The following HEATR5B variants were observed in gnomAD, a reference collection of about 807,000 sequenced individuals.
HEATR5B encodes the protein HEAT repeat-containing protein 5B.
A neutral mutation model predicts 224.1 loss-of-function variants in HEATR5B; 156 were observed. The observed-to-expected ratio is 0.70, with a 90% CI of 0.61 to 0.80. HEATR5B has a LOEUF of 0.80. HEATR5B is among the 30% of genes least tolerant of loss of function. The pLI, the probability that HEATR5B is intolerant of heterozygous loss-of-function variation, is 0.00. For synonymous variants in HEATR5B, 1,027 were observed against 893.0 expected (o/e 1.15, Z -2.68); for missense variants, 2,323 against 2,535.5 (o/e 0.92, Z 1.80).
rs1553411492 is a variant in HEATR5B, at chr2:36,984,215, A to AT, written c.5912-2422_5912-2421insA. ...AACTCTGTCTCAAAAAAAAAAAAAA[A>AT]ATATATATATATATATATATATAAA... On this transcript the variant is annotated intron_variant, in intron 35 of 35. Coordinates refer to ENST00000233099, the MANE Select transcript of HEATR5B (RefSeq NM_019024.3). Among the ~76,000 whole-genome samples the AT allele has an allele frequency of 6.3e-3, 486 of 77,594 alleles. 30 individuals are homozygous for AT. The highest frequency in any genetic ancestry group is 9.2e-3 in the East Asian group (15 of 1,626). 50.9% of individuals were successfully genotyped at this position (77,594 alleles called of 152,430 possible).
intron 21 of HEATR5B, 99 bp from the exon 22 acceptor site, chr2:37,032,872 A>ATGTTT (rs1471396053): frequency 1.1e-6 from 1 of 937,298 alleles, no homozygotes; most frequent in Non-Finnish European, 1.5e-6. Context: ...ATACATATAT[A>ATGTTT]TGTTTTGTTT....
chr2:36,998,290 T>C (rs900866853), intron 33 of HEATR5B, among the ~76,000 whole-genome samples: 2 of 152,196 alleles, frequency 1.3e-5, no homozygotes, highest in Admixed American at 6.5e-5. Context: ...AAATTAAACA[T>C]AGACATGAAA....
intron 17 of HEATR5B, among the ~76,000 whole-genome samples, chr2:37,051,830 C>T (rs548978336): frequency 3.9e-5 from 6 of 152,066 alleles, no homozygotes; most frequent in Non-Finnish European, 7.4e-5. Context: ...ACCTCTGCCT[C>T]CCAGGTTCAA....
At position 37,018,849 on chromosome 2, in the gene HEATR5B, T is replaced by G. The variant is rs1045216175; in HGVS notation, c.4104+960A>C. ...GAAGCATATGAAAAAGAGAAACTGA[T>G]TAAAGGAATAAGAAAATATGCATTT... is the stretch of plus-strand genomic sequence containing the variant. On this transcript the variant is annotated intron_variant, in intron 26 of 35. Transcript: ENST00000233099. 3.3e-5 allele frequency among the ~76,000 whole-genome samples: 5 copies of G among 152,094 alleles called. No individual in the cohort carries two copies. The East Asian group carries it at 9.6e-4, about 29-fold the overall frequency.
chr2:36,997,567 C>CTTTTTT (rs10699174), intron 33 of HEATR5B, among the ~76,000 whole-genome samples: 1 of 129,578 alleles, frequency 7.7e-6, no homozygotes, highest in Non-Finnish European at 1.6e-5. Flanking sequence ...CTCTGCCATT[C>CTTTTTT]TTTTTTTTTT....
At chr2:37,009,186 A>T (rs983904434) in intron 27 of HEATR5B, among the ~76,000 whole-genome samples, 2 of 134,710 alleles carry the variant, frequency 1.5e-5, no homozygotes, top group African/African-American at 5.5e-5. Context: ...TGAACCAGGG[A>T]GGCGGAGGTT....
chr2:37,063,924 G>A (rs1572920284), intron 10 of HEATR5B, among the ~76,000 whole-genome samples: 1 of 152,162 alleles, frequency 6.6e-6, no homozygotes, highest in Admixed American at 6.5e-5. Flanking sequence ...TGATTCTCCT[G>A]CCTCAGCCTC....
At chr2:37,029,762 A>T in intron 22 of HEATR5B, among the ~76,000 whole-genome samples, 1 of 151,952 alleles carries the variant, frequency 6.6e-6, no homozygotes, top group East Asian at 1.9e-4. Flanking sequence ...AAGATGGTGA[A>T]ATCCTGCCTC....
chr2:37,035,365 C>CA, intron 21 of HEATR5B, among the ~76,000 whole-genome samples: 1 of 152,256 alleles, frequency 6.6e-6, no homozygotes, highest in African/African-American at 2.4e-5. Context: ...GTGCCACAGT[C>CA]GTAAGTTATA....
intron 35 of HEATR5B, among the ~76,000 whole-genome samples, chr2:36,984,239 A>ATATAG: frequency 7.6e-6 from 1 of 131,214 alleles, no homozygotes; most frequent in East Asian, 2.6e-4. Flanking sequence ...TATATATATA[A>ATATAG]AACTGGAAAA....
intron 5 of HEATR5B, among the ~76,000 whole-genome samples, chr2:37,073,410 AT>A (rs558154906): frequency 6.6e-6 from 1 of 152,130 alleles, no homozygotes; most frequent in Non-Finnish European, 1.5e-5. Context: ...CGCCTGGCTA[AT>A]TTTTTTATTT....
At chr2:37,064,369 C>G (rs1455175911) in intron 10 of HEATR5B, among the ~76,000 whole-genome samples, 2 of 150,870 alleles carry the variant, frequency 1.3e-5, no homozygotes, top group Non-Finnish European at 2.9e-5. Context: ...TCACTGTAAC[C>G]TCAAACTCCT....
chr2:37,035,552 A>G (rs1416112733), intron 21 of HEATR5B, among the ~76,000 whole-genome samples: 1 of 152,142 alleles, frequency 6.6e-6, no homozygotes, highest in Non-Finnish European at 1.5e-5. Context: ...TTTCCCTATT[A>G]AGTTTACAAT....
Position 37,079,121 on chromosome 2 carries a change from A to G in HEATR5B, c.337T>C (p.Leu113=). The change falls in exon 3 of 36, where the codon TTG becomes CTG. Residue 113 remains leucine (L), a splice_region_variant and synonymous_variant. Transcript: ENST00000233099. The part of the protein sequence containing the change: ...DDTAAYLPTK[L]AAVACVGAFY... ...GCCCCTATTAAAGTAAGTACTTACAATTTTGTTGGTAAGTAGGCCGCAGTG... is the reference window on the plus strand; with the variant it reads ...GCCCCTATTAAAGTAAGTACTTACAGTTTTGTTGGTAAGTAGGCCGCAGTG... 6.3e-7 allele frequency: 1 copy of G among 1,577,228 alleles called. No homozygotes were observed. Among genetic ancestry groups the G allele is most frequent in the Non-Finnish European group, 8.7e-7 (1 of 1,152,506 alleles).
intron 24 of HEATR5B, among the ~76,000 whole-genome samples, chr2:37,026,196 A>T (rs1378783655): frequency 6.6e-6 from 1 of 152,114 alleles, no homozygotes; most frequent in Non-Finnish European, 1.5e-5. Context: ...AGAGAGAGGG[A>T]GCCGTGAGCC....
At position 36,995,087 on chromosome 2, in the gene HEATR5B, G is replaced by GTTTT. The variant is rs775120824; in HGVS notation, c.5546-4292_5546-4289dup. 3.2e-4 allele frequency among the ~76,000 whole-genome samples: 33 copies of GTTTT among 104,130 alleles called. 1 individual carries two copies. The highest frequency in any genetic ancestry group is 1.1e-3 in the African/African-American group (27 of 24,454). 68.3% of individuals were successfully genotyped at this position (104,130 alleles called of 152,430 possible). A position where few individuals can be genotyped will look rare whatever the true frequency, so the allele number is the denominator to read the frequency against. On this transcript the variant is annotated intron_variant, in intron 33 of 35. Coordinates refer to ENST00000233099, the MANE Select transcript of HEATR5B (RefSeq NM_019024.3). ...CGATTTCTTCGTCTTGTTATTCCTT[G>GTTTT]TTTTTTTTTTTTTTTTTCCTGAGAT...
chr2:37,007,101 T>C lies in HEATR5B; in HGVS notation c.4726A>G (p.Ser1576Gly). The change falls in exon 29 of 36, where the codon AGT becomes GGT. Residue 1576 changes from serine to glycine, a missense_variant. Physicochemically the swap from Ser to Gly is moderately conservative, Grantham distance 56. Around this residue, in one of 12 missense-constraint regions of HEATR5B, gnomAD observed 844 missense variants for 812.9 expected, o/e 1.04. Transcript: ENST00000233099. ...NLNQASGAVG[S>G]AKSLPEINKD... Reference sequence around the variant, plus strand: ...TTAATTTCTGGCAAAGATTTAGCACTACCCACTGCTCCTGATGCCTGGTTT... The same window carrying C: ...TTAATTTCTGGCAAAGATTTAGCACCACCCACTGCTCCTGATGCCTGGTTT... The C allele has an allele frequency of 1.2e-6, 2 of 1,614,128 alleles. No individual in the cohort carries two copies. The highest frequency in any genetic ancestry group is 1.7e-5 in the Admixed American group (1 of 60,018).
intron 2 of HEATR5B, among the ~76,000 whole-genome samples, chr2:37,080,723 T>C (rs1320469033): frequency 6.6e-6 from 1 of 150,754 alleles, no homozygotes; most frequent in Non-Finnish European, 1.5e-5. Flanking sequence ...ATTTTATAGA[T>C]GATAGTAAAA....
chr2:36,993,303 G>A (rs997520923), intron 33 of HEATR5B, among the ~76,000 whole-genome samples: 3 of 152,086 alleles, frequency 2.0e-5, no homozygotes, highest in Non-Finnish European at 2.9e-5. Context: ...TTGGGAGGCC[G>A]AGGTTGGGGG....
Sources: allele counts gnomAD v4.1 joint callset (sites outside exome capture counted in the v4.1 genomes callset), GRCh38; gene constraint gnomAD v4.1.1; regional missense constraint gnomAD v4.1.1; transcripts MANE v1.5; gene names NCBI Gene and HGNC (gene_info 2026-07-23, HGNC 2026-07-21).